The following ARHGAP26 variants were observed in gnomAD, a reference collection of about 807,000 sequenced individuals.
ARHGAP26 encodes the protein rho GTPase-activating protein 26.
A neutral mutation model predicts 104.8 loss-of-function variants in ARHGAP26; 38 were observed. That is an observed-to-expected ratio of 0.36 (90% CI 0.28 to 0.48). ARHGAP26 has a LOEUF of 0.48. Among genes scored for constraint, ARHGAP26 ranks in the 20% least tolerant of loss-of-function variants. The pLI, the probability that ARHGAP26 is intolerant of heterozygous loss-of-function variation, is 0.99. For synonymous variants in ARHGAP26, 341 were observed against 340.0 expected (o/e 1.00, Z -0.03); for missense variants, 704 against 947.9 (o/e 0.74, Z 3.38).
chr5:143,045,998 G>T (rs1421073922), intron 14 of ARHGAP26, among the ~76,000 whole-genome samples: 1 of 152,166 alleles, frequency 6.6e-6, no homozygotes, highest in African/African-American at 2.4e-5. Context: ...GTCAGGTGTG[G>T]TGGTGCACAC....
chr5:143,107,819 A>G (rs887583070), intron 17 of ARHGAP26, among the ~76,000 whole-genome samples: 1 of 152,182 alleles, frequency 6.6e-6, no homozygotes, highest in African/African-American at 2.4e-5. Context: ...TCAACCCTGT[A>G]TTTTAAAATT....
chr5:142,931,580 G>A (rs540785547), intron 10 of ARHGAP26, among the ~76,000 whole-genome samples: 80 of 152,300 alleles, frequency 5.3e-4, no homozygotes, highest in Middle Eastern at 6.8e-3. Flanking sequence ...CAGTTTAGAA[G>A]CAGTGGACTA....
intron 19 of ARHGAP26, among the ~76,000 whole-genome samples, chr5:143,140,888 T>C (rs1798441088): frequency 1.3e-5 from 2 of 152,186 alleles, no homozygotes; most frequent in African/African-American, 2.4e-5. Flanking sequence ...CAGTGAGAGG[T>C]TGAGAATTCA....
chr5:142,916,371 C>T lies in ARHGAP26; in HGVS notation c.1028+3078C>T, dbSNP rs117331853. Among the ~76,000 whole-genome samples, 16 of 152,290 alleles carry T rather than the reference C, an allele frequency of 1.1e-4. No homozygotes were observed. In the East Asian group the frequency reaches 3.1e-3, roughly 29 times the overall value. ...TCAATATTGTGAGTTGATTACCGTA[C>T]ATCAACGTATTTTACTGTGGTGAAA... On this transcript the variant is annotated intron_variant, in intron 10 of 22. Coordinates refer to ENST00000645722, the MANE Select transcript of ARHGAP26 (RefSeq NM_001135608.3).
At chr5:143,219,432 G>A (rs780521873) in intron 22 of ARHGAP26, among the ~76,000 whole-genome samples, 5 of 152,110 alleles carry the variant, frequency 3.3e-5, no homozygotes, top group East Asian at 1.9e-4. Flanking sequence ...AAACCAAAAC[G>A]CACTGAAAAA....
At chr5:143,106,847 A>G (rs1348058924) in intron 17 of ARHGAP26, among the ~76,000 whole-genome samples, 3 of 152,096 alleles carry the variant, frequency 2.0e-5, no homozygotes, top group African/African-American at 7.2e-5. Flanking sequence ...ATTATTGCCT[A>G]GGTGTATGAG....
At chr5:142,929,461 T>C (rs1021363594) in intron 10 of ARHGAP26, among the ~76,000 whole-genome samples, 1 of 152,104 alleles carries the variant, frequency 6.6e-6, no homozygotes, top group African/African-American at 2.4e-5. Flanking sequence ...ATAAGGAAGG[T>C]AAATATGGAA....
chr5:143,001,356 A>G (rs1777167217), intron 11 of ARHGAP26, among the ~76,000 whole-genome samples: 1 of 152,218 alleles, frequency 6.6e-6, no homozygotes, highest in African/African-American at 2.4e-5. Flanking sequence ...CAAATATTGA[A>G]CTTTAGATGA....
chr5:143,094,358 C>T (rs371457271), intron 17 of ARHGAP26, among the ~76,000 whole-genome samples: 26 of 152,230 alleles, frequency 1.7e-4, no homozygotes, highest in African/African-American at 5.8e-4. Flanking sequence ...TTTTCCCTCG[C>T]GTTGCTGAGA....
intron 10 of ARHGAP26, among the ~76,000 whole-genome samples, chr5:142,926,936 A>G (rs1763994416): frequency 6.6e-6 from 1 of 152,178 alleles, no homozygotes; most frequent in Non-Finnish European, 1.5e-5. Flanking sequence ...TACACTTCTC[A>G]TATAACCTTC....
At chr5:142,869,174 A>G (rs1176542460) in intron 1 of ARHGAP26, among the ~76,000 whole-genome samples, 1 of 146,990 alleles carries the variant, frequency 6.8e-6, no homozygotes, top group African/African-American at 2.6e-5. Flanking sequence ...AGCTGTAATC[A>G]CTTTCTTTTC....
At chr5:142,878,327 G>A (rs1226336006) in intron 3 of ARHGAP26, among the ~76,000 whole-genome samples, 7 of 152,204 alleles carry the variant, frequency 4.6e-5, no homozygotes, top group Non-Finnish European at 1.0e-4. Flanking sequence ...CAGCCCACTC[G>A]TTTTGCAGAT....
intron 1 of ARHGAP26, among the ~76,000 whole-genome samples, chr5:142,866,035 CT>C (rs67054994): frequency 1.9e-3 from 277 of 143,880 alleles, no homozygotes; most frequent in Non-Finnish European, 2.0e-3. Flanking sequence ...TTTCTTTTTT[CT>C]TTTTTTTTTT....
At chr5:143,202,791 T>A (rs1007875724) in intron 20 of ARHGAP26, 1 of 152,206 alleles carries the variant, frequency 6.6e-6, no homozygotes, top group African/African-American at 2.4e-5. Context: ...AACCATCTGA[T>A]CTCTGACAAA....
chr5:142,908,950 C>T (rs1358913545), intron 9 of ARHGAP26: 1 of 166,638 alleles, frequency 6.0e-6, no homozygotes, highest in African/African-American at 2.4e-5. Context: ...TGTCTTTTCT[C>T]TTTGCTCCTA....
intron 19 of ARHGAP26, 40 bp downstream of exon 19, chr5:143,134,145 A>ATTTTT: frequency 2.5e-6 from 4 of 1,579,486 alleles, no homozygotes; most frequent in Admixed American, 3.5e-5. Context: ...GCATTCAGGG[A>ATTTTT]CATCCCATGC....
intron 1 of ARHGAP26, among the ~76,000 whole-genome samples, chr5:142,825,898 G>A (rs1171174826): frequency 6.6e-6 from 1 of 152,184 alleles, no homozygotes; most frequent in Non-Finnish European, 1.5e-5. Flanking sequence ...TGCCTTTCCC[G>A]TGCTGTGTGC....
chr5:143,005,164 C>T (rs1276220677), intron 11 of ARHGAP26, among the ~76,000 whole-genome samples: 1 of 152,144 alleles, frequency 6.6e-6, no homozygotes, highest in Admixed American at 6.5e-5. Context: ...TATTGATATA[C>T]TATAGAAAGA....
chr5:143,099,432 A>G (rs1792892853), intron 17 of ARHGAP26, among the ~76,000 whole-genome samples: 1 of 152,070 alleles, frequency 6.6e-6, no homozygotes, highest in Non-Finnish European at 1.5e-5. Context: ...TGGAACTGAG[A>G]CCCTACCTTA....
Sources: gnomAD v4.1 joint callset for allele counts (sites outside exome capture counted in the v4.1 genomes callset) on GRCh38, gnomAD v4.1.1 for gene constraint, MANE v1.5 for transcripts, NCBI Gene and HGNC (gene_info 2026-07-23, HGNC 2026-07-21) for gene names.